The following ERICH2 variants were observed in gnomAD, a reference collection of about 807,000 sequenced individuals.
ERICH2 encodes the protein glutamate rich 2.
In ERICH2, 17 loss-of-function variants were observed where a neutral mutation model predicts 17.4. That is an observed-to-expected ratio of 0.98 (90% confidence interval 0.67 to 1.47). ERICH2 has a LOEUF of 1.47. ERICH2 is among the 40% of genes most tolerant of loss of function. ERICH2 has a pLI of 0.00. For synonymous variants in ERICH2, 51 were observed against 61.1 expected (o/e 0.83, Z 0.77); for missense variants, 186 against 183.2 (o/e 1.01, Z -0.09).
intron 3 of ERICH2, among the ~76,000 whole-genome samples, chr2:170,794,771 G>A (rs921932722): frequency 6.6e-6 from 1 of 152,170 alleles, no homozygotes; most frequent in Admixed American, 6.5e-5. Context: ...TGTAGCACAA[G>A]GATTGAGTGA....
At chr2:170,776,454 T>A in the ERICH2 span, among the ~76,000 whole-genome samples, 1 of 152,214 alleles carries the variant, frequency 6.6e-6, no homozygotes, top group Non-Finnish European at 1.5e-5. Context: ...CTCGGCTCAC[T>A]GCAACTTCCG....
the ERICH2 span, among the ~76,000 whole-genome samples, chr2:170,774,988 G>A: frequency 6.6e-6 from 1 of 152,264 alleles, no homozygotes; most frequent in Non-Finnish European, 1.5e-5. Flanking sequence ...AGCAGAGCAT[G>A]GGTCTCCATC....
chr2:170,783,683 C>G (rs1012884729), upstream of ERICH2: 22 of 1,113,918 alleles, frequency 2.0e-5, no homozygotes, highest in Admixed American at 2.2e-5. Flanking sequence ...GGAAACTTCT[C>G]TCATGCTGCT....
At chr2:170,779,315 T>A (rs1396055488), upstream of ERICH2, among the ~76,000 whole-genome samples, 2 of 152,200 alleles carry the variant, frequency 1.3e-5, no homozygotes, top group Non-Finnish European at 2.9e-5. Context: ...CCAAAAGATT[T>A]CATTTAGGTT....
At chr2:170,789,389 A>G (rs531407026) in intron 2 of ERICH2, among the ~76,000 whole-genome samples, 115 of 152,322 alleles carry the variant, frequency 7.5e-4, no homozygotes, top group African/African-American at 2.6e-3. Context: ...CCTTATCACA[A>G]CTAAGAAAAT....
At chr2:170,784,792 C>A in exon 2 of ERICH2, 1 of 1,532,070 alleles carries the variant, frequency 6.5e-7, no homozygotes, top group Non-Finnish European at 8.8e-7. Flanking sequence ...AGATAGTAAC[C>A]CTAAAAAGAA....
chr2:170,775,867 A>G, the ERICH2 span: 1 of 17,122 alleles, frequency 5.8e-5, no homozygotes, highest in Non-Finnish European at 2.1e-3. Context: ...ATTTAAAAAA[A>G]ATAAAAACAA....
chr2:170,777,232 T>C, the ERICH2 span: 1 of 172,374 alleles, frequency 5.8e-6, no homozygotes, highest in Non-Finnish European at 1.2e-5. Flanking sequence ...CATCAATTTA[T>C]ACAGTTTTTA....
intron 2 of ERICH2, among the ~76,000 whole-genome samples, chr2:170,785,724 G>A (rs1402752945): frequency 6.6e-6 from 1 of 151,946 alleles, no homozygotes; most frequent in Non-Finnish European, 1.5e-5. Context: ...TGAAGGAAGA[G>A]GCAAGTATAG....
chr2:170,794,452 C>A (rs1701369621), intron 3 of ERICH2, among the ~76,000 whole-genome samples: 1 of 152,002 alleles, frequency 6.6e-6, no homozygotes. Context: ...TTTCTATCTA[C>A]CTGTTTTTGG....
intron 4 of ERICH2, among the ~76,000 whole-genome samples, chr2:170,798,388 T>C (rs1006877956): frequency 6.6e-6 from 1 of 152,182 alleles, no homozygotes; most frequent in African/African-American, 2.4e-5. Context: ...GGCTGCGTGT[T>C]AAAGGAATTA....
At chr2:170,770,723 C>G in the ERICH2 span, 1 of 155,220 alleles carries the variant, frequency 6.4e-6, no homozygotes, top group African/African-American at 2.4e-5. Flanking sequence ...CTTCGGCGCT[C>G]CTGAAGGTAA....
the ERICH2 span, among the ~76,000 whole-genome samples, chr2:170,773,874 C>T: frequency 6.6e-6 from 1 of 152,124 alleles, no homozygotes; most frequent in Non-Finnish European, 1.5e-5. Context: ...TACAGGCATA[C>T]ACCACCATGC....
chr2:170,785,638 G>GA (rs1359776593), intron 2 of ERICH2, among the ~76,000 whole-genome samples: 9 of 151,960 alleles, frequency 5.9e-5, no homozygotes, highest in Admixed American at 5.9e-4. Context: ...GGGACTAACT[G>GA]AAAAAAGAAG....
At chr2:170,793,701 C>T (rs1701344601) in intron 3 of ERICH2, among the ~76,000 whole-genome samples, 1 of 152,192 alleles carries the variant, frequency 6.6e-6, no homozygotes, top group Admixed American at 6.5e-5. Flanking sequence ...ATTGCATAGG[C>T]TCTGTTCTTT....
At position 170,798,126 on chromosome 2, in the gene ERICH2, T is replaced by G. The variant is rs1326797696; in HGVS notation, c.346+14T>G. The G allele has an allele frequency of 6.7e-7, 1 of 1,482,892 alleles. No homozygotes were observed. The highest frequency in any genetic ancestry group is 1.2e-5 in the South Asian group (1 of 82,680). 91.9% of individuals were successfully genotyped at this position (1,482,892 alleles called of 1,614,324 possible). ...TGTTGCTGATGGGTAATTTTAAAAA[T>G]TGAAATTCCTTGTTTCTCATAGAAC... On this transcript the variant is annotated intron_variant, in intron 4 of 4. Transcript: ENST00000409885.
chr2:170,785,257 TA>T (rs2105696557), intron 2 of ERICH2, among the ~76,000 whole-genome samples: 1 of 152,208 alleles, frequency 6.6e-6, no homozygotes, highest in East Asian at 1.9e-4. Flanking sequence ...TATATATCAA[TA>T]AAAAATAAAC....
chr2:170,782,204 G>A (rs1701045283), upstream of ERICH2: 2 of 663,086 alleles, frequency 3.0e-6, no homozygotes. Context: ...ACAGAATTAT[G>A]ACCTAAGAAA....
At chr2:170,791,889 G>A (rs540245017) in intron 2 of ERICH2, among the ~76,000 whole-genome samples, 3 of 152,004 alleles carry the variant, frequency 2.0e-5, no homozygotes, top group Non-Finnish European at 4.4e-5. Context: ...CAGTGTCTGG[G>A]TATTTATCAA....
Sources: allele counts gnomAD v4.1 joint callset (sites outside exome capture counted in the v4.1 genomes callset), GRCh38; gene constraint gnomAD v4.1.1; transcripts MANE v1.5; gene names NCBI Gene and HGNC (gene_info 2026-07-23, HGNC 2026-07-21).